The following GPD1L variants were observed in gnomAD, a reference collection of about 807,000 sequenced individuals.
GPD1L encodes the protein glycerol-3-phosphate dehydrogenase 1 like.
A neutral mutation model predicts 32.9 loss-of-function variants in GPD1L; 17 were observed. The observed-to-expected ratio is 0.52, with a 90% CI of 0.35 to 0.78. The LOEUF is 0.78. Among genes scored for constraint, GPD1L ranks in the 30% least tolerant of loss-of-function variants. The pLI is 0.01. For synonymous variants in GPD1L, 187 were observed against 165.9 expected (o/e 1.13, Z -0.98); for missense variants, 361 against 447.8 (o/e 0.81, Z 1.75).
chr3:32,110,731 G>A (rs1700233839), intron 1 of GPD1L, among the ~76,000 whole-genome samples: 1 of 152,248 alleles, frequency 6.6e-6, no homozygotes, highest in African/African-American at 2.4e-5. Context: ...GAGCCCTGCT[G>A]TGTTGCCCAC....
intron 7 of GPD1L, among the ~76,000 whole-genome samples, chr3:32,160,809 C>G (rs1336868915): frequency 2.6e-5 from 4 of 152,182 alleles, no homozygotes; most frequent in Non-Finnish European, 4.4e-5. Context: ...CTCTCCAGCC[C>G]TACCTGCTCC....
At chr3:32,148,707 T>G (rs925084001) in intron 5 of GPD1L, among the ~76,000 whole-genome samples, 1 of 152,200 alleles carries the variant, frequency 6.6e-6, no homozygotes, top group African/African-American at 2.4e-5. Context: ...TTGGTTACTG[T>G]GTACCACTTG....
intron 7 of GPD1L, among the ~76,000 whole-genome samples, chr3:32,164,975 G>A (rs1354265859): frequency 1.3e-5 from 2 of 152,170 alleles, no homozygotes; most frequent in Non-Finnish European, 2.9e-5. Context: ...GGAGGCCGAG[G>A]TGGGTGGATC....
chr3:32,108,593 AT>A (rs1304926352), intron 1 of GPD1L, among the ~76,000 whole-genome samples: 3 of 152,186 alleles, frequency 2.0e-5, no homozygotes, highest in Admixed American at 6.5e-5. Flanking sequence ...ATCCACATTT[AT>A]CCCCCCTGAG....
intron 7 of GPD1L, among the ~76,000 whole-genome samples, chr3:32,161,469 G>A (rs940040080): frequency 1.3e-5 from 2 of 152,094 alleles, no homozygotes; most frequent in Admixed American, 6.5e-5. Context: ...TGACCACTGA[G>A]CATTTATCAA....
At chr3:32,160,033 TTA>T (rs1701054309) in intron 7 of GPD1L, among the ~76,000 whole-genome samples, 1 of 152,258 alleles carries the variant, frequency 6.6e-6, no homozygotes, top group East Asian at 1.9e-4. Flanking sequence ...AAAAGTATGG[TTA>T]TGTTATTAAA....
intron 5 of GPD1L, among the ~76,000 whole-genome samples, chr3:32,152,293 C>A (rs1466210139): frequency 1.3e-5 from 2 of 151,680 alleles, no homozygotes; most frequent in African/African-American, 4.9e-5. Flanking sequence ...TATGACAATT[C>A]TATTCTATAG....
chr3:32,150,342 T>C (rs926156286), intron 5 of GPD1L, among the ~76,000 whole-genome samples: 5 of 152,310 alleles, frequency 3.3e-5, no homozygotes, highest in Admixed American at 6.5e-5. Flanking sequence ...ATCTTTTTTT[T>C]CCCCTCTGAG....
At chr3:32,115,293 A>G (rs1162906520) in intron 1 of GPD1L, among the ~76,000 whole-genome samples, 1 of 152,132 alleles carries the variant, frequency 6.6e-6, no homozygotes, top group Non-Finnish European at 1.5e-5. Context: ...GTGTTTTTCC[A>G]GAGTACTGAT....
At position 32,134,346 on chromosome 3, in the gene GPD1L, T is replaced by C. The variant is rs527906558; in HGVS notation, c.226-4241T>C. On this transcript the variant is annotated intron_variant, in intron 2 of 7. Coordinates refer to ENST00000282541, the MANE Select transcript of GPD1L (RefSeq NM_015141.4). ...CTTCTGTGGGTTAAACCCTAAGTAT[T>C]CCACCAAGGAGAATAAGCCCCAACC... 3.9e-5 allele frequency among the ~76,000 whole-genome samples: 6 copies of C among 152,292 alleles called. No homozygotes were observed. In the South Asian group the frequency reaches 1.2e-3, roughly 32 times the overall value.
rs371994278 is a variant in GPD1L at position 32,157,422 on chromosome 3, C to G, written c.619-1454C>G. Among the ~76,000 whole-genome samples the G allele has an allele frequency of 1.4e-4, 21 of 152,196 alleles. No individual in the cohort carries two copies. The East Asian group carries it at 3.7e-3, about 27-fold the overall frequency. ...ATTGTCAGCTCCTTGAGGACAAGCT[C>G]TATGTCTTAACTCTCATCTTTGCAG... On this transcript the variant is annotated intron_variant, in intron 5 of 7. Transcript: ENST00000282541.
intron 4 of GPD1L, among the ~76,000 whole-genome samples, chr3:32,140,612 C>A (rs999601797): frequency 6.6e-6 from 1 of 152,114 alleles, no homozygotes; most frequent in African/African-American, 2.4e-5. Context: ...TGCTGTGATC[C>A]AATAATGAAT....
At chr3:32,165,222 GA>G (rs1326821728) in intron 7 of GPD1L, among the ~76,000 whole-genome samples, 1 of 151,800 alleles carries the variant, frequency 6.6e-6, no homozygotes, top group Non-Finnish European at 1.5e-5. Flanking sequence ...AAAGAAAAAA[GA>G]AAAAAAGCCT....
intron 1 of GPD1L, among the ~76,000 whole-genome samples, chr3:32,126,447 A>G (rs772137766): frequency 2.0e-5 from 3 of 152,116 alleles, no homozygotes; most frequent in Non-Finnish European, 4.4e-5. Context: ...GTCCCCCAGA[A>G]CCATACTTGT....
At chr3:32,147,036 G>A (rs1414124449) in intron 5 of GPD1L, among the ~76,000 whole-genome samples, 1 of 152,216 alleles carries the variant, frequency 6.6e-6, no homozygotes, top group Non-Finnish European at 1.5e-5. Flanking sequence ...GTTTCACCCA[G>A]GAGCAAATGA....
chr3:32,150,654 T>C (rs1258662954), intron 5 of GPD1L, among the ~76,000 whole-genome samples: 2 of 152,166 alleles, frequency 1.3e-5, no homozygotes, highest in Non-Finnish European at 2.9e-5. Context: ...ACCCAGTTAA[T>C]TTTTGTATTT....
chr3:32,128,290 T>A, intron 2 of GPD1L, 37 bp downstream of exon 2: 6 of 1,542,616 alleles, frequency 3.9e-6, no homozygotes, highest in Non-Finnish European at 5.4e-6. Flanking sequence ...TGGTTCATTC[T>A]GCAAGTTGTG....
chr3:32,124,938 G>C (rs930904319), intron 1 of GPD1L, among the ~76,000 whole-genome samples: 4 of 152,000 alleles, frequency 2.6e-5, no homozygotes, highest in African/African-American at 9.7e-5. Context: ...AACAAACAGA[G>C]AGAGTATGCC....
rs1184729554 is a variant in GPD1L, at chr3:32,121,443, A to ATATATATTTCTCTCTC, written c.48-6618_48-6617insCTATATATTTCTCTCT. Among the ~76,000 whole-genome samples the ATATATATTTCTCTCTC allele has an allele frequency of 1.7e-4, 11 of 63,400 alleles. 3 individuals are homozygous for ATATATATTTCTCTCTC. The highest frequency in any genetic ancestry group is 4.1e-4 in the African/African-American group (11 of 26,784). 41.6% of individuals were successfully genotyped at this position (63,400 alleles called of 152,430 possible). A position where few individuals can be genotyped will look rare whatever the true frequency, so the allele number is the denominator to read the frequency against. ...TCCGCCCTGGCTAGGCTTTCTTTAT[A>ATATATATTTCTCTCTC]TATATATTTCTCTCTATATATATTT... On this transcript the variant is annotated intron_variant, in intron 1 of 7. Transcript: ENST00000282541.
Sources: allele counts gnomAD v4.1 joint callset (sites outside exome capture counted in the v4.1 genomes callset), GRCh38; gene constraint gnomAD v4.1.1; transcripts MANE v1.5; gene names NCBI Gene and HGNC (gene_info 2026-07-23, HGNC 2026-07-21).